The following ANKRD30B variants were observed in gnomAD, a reference collection of about 807,000 sequenced individuals.
ANKRD30B encodes the protein ankyrin repeat domain-containing protein 30B.
A neutral mutation model predicts 202.2 loss-of-function variants in ANKRD30B; 144 were observed. The observed-to-expected ratio is 0.71, with a 90% CI of 0.62 to 0.82. ANKRD30B has a LOEUF of 0.82. Ranked by LOEUF, ANKRD30B falls within the 40% of genes least tolerant of loss-of-function variation. ANKRD30B has a pLI of 0.00. For missense variants in ANKRD30B, 1,487 were observed against 1,669.1 expected (o/e 0.89, Z 1.90); for synonymous variants, 508 against 561.3 (o/e 0.91, Z 1.34).
At position 14,763,685 on chromosome 18, in the gene ANKRD30B, G is replaced by A; in HGVS notation, c.821-1G>A. ...ATTTAACCAGATTGTGTGTTTGGCA[G>A]AAGGAACATCTACAGGAACACCTGA... On this transcript the variant is annotated splice_acceptor_variant, in intron 6 of 43. Coordinates refer to ENST00000690538, the MANE Select transcript of ANKRD30B (RefSeq NM_001367607.2). LOFTEE classifies it high-confidence loss of function. The A allele has an allele frequency of 1.2e-6, 2 of 1,613,584 alleles. No individual in the cohort carries two copies. The highest frequency in any genetic ancestry group is 1.7e-6 in the Non-Finnish European group (2 of 1,179,860).
downstream of ANKRD30B, among the ~76,000 whole-genome samples, chr18:14,858,976 C>T (rs1313309883): frequency 2.2e-5 from 2 of 89,788 alleles, no homozygotes; most frequent in South Asian, 3.3e-4. Flanking sequence ...AACTCCTCAC[C>T]TCCCAGATGA....
intron 16 of ANKRD30B, among the ~76,000 whole-genome samples, chr18:14,792,131 G>A (rs555514517): frequency 4.6e-5 from 7 of 152,134 alleles, no homozygotes; most frequent in Non-Finnish European, 7.3e-5. Context: ...TTAGAAAACC[G>A]TCTGAAAACC....
At chr18:14,893,308 T>C in the ANKRD30B span, among the ~76,000 whole-genome samples, 1 of 152,162 alleles carries the variant, frequency 6.6e-6, no homozygotes. Flanking sequence ...GGCACAAATA[T>C]TTATAGAAGT....
rs914573218 is a variant in ANKRD30B, at chr18:14,851,973, T to C, written c.4029T>C (p.Tyr1343=). The C allele has an allele frequency of 2.5e-6, 4 of 1,600,922 alleles. No individual in the cohort carries two copies. Among genetic ancestry groups the C allele is most frequent in the Non-Finnish European group, 3.4e-6 (4 of 1,172,670 alleles). ...IMNVDVSNTI[Y]NNEVLHQPLY... ...ATGTTGATGTGAGTAATACAATATA[T>C]AACAATGAGGTGCTCCATCAACCAC... is the stretch of plus-strand genomic sequence containing the variant. The change falls in exon 42 of 44, where the codon TAT becomes TAC. Residue 1343 remains tyrosine, a synonymous_variant. Transcript: ENST00000690538.
Position 14,854,417 on chromosome 18 carries a change from G to T in ANKRD30B, c.*259G>T, listed in dbSNP as rs529902764. Among the ~76,000 whole-genome samples, 1 of 152,180 alleles carries T rather than the reference G, an allele frequency of 6.6e-6. No individual in the cohort carries two copies. The highest frequency in any genetic ancestry group is 6.5e-5 in the Admixed American group (1 of 15,286). On this transcript the variant is annotated 3_prime_UTR_variant, in exon 44 of 44. Transcript: ENST00000690538. ...GCTTCTGGTGTGTGGGATGGGGGTA[G>T]AATCCCATGCATGAGAAGGGGACAG... is the stretch of plus-strand genomic sequence containing the variant.
intron 41 of ANKRD30B, among the ~76,000 whole-genome samples, chr18:14,850,627 T>C (rs1971842422): frequency 1.3e-5 from 2 of 151,822 alleles, no homozygotes; most frequent in South Asian, 4.1e-4. Flanking sequence ...TTAGTGATAA[T>C]TTATTGGTAA....
At chr18:14,879,627 A>T in the ANKRD30B span, among the ~76,000 whole-genome samples, 298 of 151,784 alleles carry the variant, frequency 2.0e-3, 1 homozygote, top group African/African-American at 6.7e-3. Flanking sequence ...GTCAGAGTTA[A>T]GGGTTAGGAG....
chr18:14,922,244 G>A, the ANKRD30B span, among the ~76,000 whole-genome samples: 4 of 152,080 alleles, frequency 2.6e-5, no homozygotes, highest in Non-Finnish European at 1.5e-5. Context: ...ACCCACAGAG[G>A]GAGCATTTAC....
At chr18:14,784,406 A>C (rs374013941) in intron 13 of ANKRD30B, 42 bp downstream of exon 13, 1 of 1,611,008 alleles carries the variant, frequency 6.2e-7, no homozygotes, top group Non-Finnish European at 8.5e-7. Flanking sequence ...CTTATTAACT[A>C]TGTACTTTGT....
At chr18:14,769,047 C>T (rs894495629) in intron 7 of ANKRD30B, among the ~76,000 whole-genome samples, 7 of 152,138 alleles carry the variant, frequency 4.6e-5, no homozygotes, top group African/African-American at 1.7e-4. Context: ...CCAAAGGAAA[C>T]CTTTATATCA....
the ANKRD30B span, chr18:14,915,374 A>C: frequency 5.3e-5 from 8 of 152,234 alleles, no homozygotes; most frequent in Non-Finnish European, 1.2e-4. Flanking sequence ...CTAACAAGGT[A>C]GCTGGAGTAA....
At chr18:14,853,437 G>A (rs1971968095) in intron 42 of ANKRD30B, among the ~76,000 whole-genome samples, 1 of 151,954 alleles carries the variant, frequency 6.6e-6, no homozygotes, top group South Asian at 2.1e-4. Flanking sequence ...ATTTCAGCAG[G>A]TGATTGAATA....
chr18:14,856,772 TGGGCAGAGGCGCTCCTCACAA>T (rs1972120053), downstream of ANKRD30B, among the ~76,000 whole-genome samples: 1 of 112,898 alleles, frequency 8.9e-6, no homozygotes, highest in Non-Finnish European at 1.9e-5. Flanking sequence ...GGGTGGGAGC[TGGGCAGAGGCGCTCCTCACAA>T]CCCAGACAGG....
chr18:14,899,658 TTGAG>T, the ANKRD30B span, among the ~76,000 whole-genome samples: 1 of 152,276 alleles, frequency 6.6e-6, no homozygotes, highest in African/African-American at 2.4e-5. Flanking sequence ...CAAGTATTTA[TTGAG>T]TGTTTATTGC....
chr18:14,828,984 CTTAGT>C (rs1180378855), intron 33 of ANKRD30B, among the ~76,000 whole-genome samples: 3 of 152,122 alleles, frequency 2.0e-5, no homozygotes, highest in Admixed American at 6.5e-5. Context: ...TTACTGACTT[CTTAGT>C]TTAGTTCTTC....
chr18:14,818,837 G>A (rs191263009), intron 30 of ANKRD30B, among the ~76,000 whole-genome samples: 4,613 of 151,742 alleles, frequency 0.03, 268 homozygotes, highest in African/African-American at 0.11. Flanking sequence ...TGCATGTGTC[G>A]TTATAGCAGC....
At chr18:14,843,770 G>C (rs1443918595) in intron 39 of ANKRD30B, among the ~76,000 whole-genome samples, 34 of 152,138 alleles carry the variant, frequency 2.2e-4, no homozygotes, top group Non-Finnish European at 4.6e-4. Flanking sequence ...CTCCAGCCTA[G>C]GGGACAGAGC....
rs541443492 is a variant in ANKRD30B at position 14,774,061 on chromosome 18, T to A, written c.1329+1833T>A. ...AGTTTATGGAACATTCCATTTTAAATTTTTTCTCTCTCTGTAGTAAGAATG... is the reference window on the plus strand; with the variant it reads ...AGTTTATGGAACATTCCATTTTAAAATTTTTCTCTCTCTGTAGTAAGAATG... On this transcript the variant is annotated intron_variant, in intron 9 of 43. Coordinates refer to ENST00000690538, the MANE Select transcript of ANKRD30B (RefSeq NM_001367607.2). Among the ~76,000 whole-genome samples, 11 of 152,254 alleles carry A rather than the reference T, an allele frequency of 7.2e-5. No homozygotes were observed. The South Asian group carries it at 2.3e-3, about 32-fold the overall frequency.
Position 14,831,443 on chromosome 18 carries a change from T to C in ANKRD30B, c.2835T>C (p.Asn945=). The change falls in exon 34 of 44, where the codon AAT becomes AAC. Residue 945 remains asparagine, a synonymous_variant. Transcript: ENST00000690538. ...SQSTKVEEDF[N]LTTKEGATKT... ...CTACAAAAGTTGAGGAAGACTTTAA[T>C]CTTACTACCAAGGTAAAATAGTCTC... is the stretch of plus-strand genomic sequence containing the variant. 6.5e-7 allele frequency: 1 copy of C among 1,530,622 alleles called. No individual in the cohort carries two copies. Among genetic ancestry groups the C allele is most frequent in the African/African-American group, 1.4e-5 (1 of 72,136 alleles). 94.8% of individuals were successfully genotyped at this position (1,530,622 alleles called of 1,614,324 possible).
Sources: gnomAD v4.1 joint callset for allele counts (sites outside exome capture counted in the v4.1 genomes callset) on GRCh38, gnomAD v4.1.1 for gene constraint, MANE v1.5 for transcripts, NCBI Gene and HGNC (gene_info 2026-07-23, HGNC 2026-07-21) for gene names.